The following PAPPA2 variants were observed in gnomAD, a reference collection of about 807,000 sequenced individuals.
The protein encoded by PAPPA2 is pappalysin 2.
Under a neutral mutation model 176.4 loss-of-function variants are expected in PAPPA2, and 86 were observed. The observed-to-expected ratio is 0.49, with a 90% CI of 0.41 to 0.58. The LOEUF is 0.58. PAPPA2 is among the 20% of genes least tolerant of loss of function. The pLI is 0.00. For missense variants in PAPPA2, 2,073 were observed against 2,256.9 expected (o/e 0.92, Z 1.65); for synonymous variants, 809 against 852.2 (o/e 0.95, Z 0.88).
chr1:176,759,342 A>G (rs1395743679), intron 14 of PAPPA2, among the ~76,000 whole-genome samples: 1 of 152,182 alleles, frequency 6.6e-6, no homozygotes, highest in Admixed American at 6.5e-5. Context: ...TAATACAAGA[A>G]ATTTGAGTTG....
chr1:176,633,545 A>G (rs554311534), intron 3 of PAPPA2, among the ~76,000 whole-genome samples: 1 of 152,316 alleles, frequency 6.6e-6, no homozygotes, highest in Admixed American at 6.5e-5. Context: ...AATAGACATC[A>G]TTGTATTTAA....
chr1:176,631,170 C>A (rs1478599044), intron 3 of PAPPA2, among the ~76,000 whole-genome samples: 1 of 152,096 alleles, frequency 6.6e-6, no homozygotes, highest in African/African-American at 2.4e-5. Context: ...GGTCAATAAA[C>A]AAAATACAGT....
At chr1:176,803,564 A>T (rs1665774407) in intron 21 of PAPPA2, among the ~76,000 whole-genome samples, 1 of 152,216 alleles carries the variant, frequency 6.6e-6, no homozygotes, top group Non-Finnish European at 1.5e-5. Flanking sequence ...TCAGTCGGTC[A>T]CCAGATCATT....
At chr1:176,770,074 A>T (rs1386037313) in intron 16 of PAPPA2, among the ~76,000 whole-genome samples, 2 of 152,232 alleles carry the variant, frequency 1.3e-5, no homozygotes, top group Non-Finnish European at 2.9e-5. Context: ...GGTTGTCCTG[A>T]TAATATTCAT....
At chr1:176,497,384 T>G (rs1407413853) in intron 1 of PAPPA2, among the ~76,000 whole-genome samples, 2 of 152,192 alleles carry the variant, frequency 1.3e-5, no homozygotes, top group African/African-American at 4.8e-5. Context: ...AGGCATCTAC[T>G]ACATCATTAC....
intron 21 of PAPPA2, among the ~76,000 whole-genome samples, chr1:176,809,446 C>T (rs908743552): frequency 6.6e-6 from 1 of 152,170 alleles, no homozygotes; most frequent in Non-Finnish European, 1.5e-5. Context: ...ATCTGTTACA[C>T]TATTCCTTGG....
intron 12 of PAPPA2, among the ~76,000 whole-genome samples, chr1:176,732,310 A>T (rs1384825699): frequency 2.0e-5 from 3 of 152,196 alleles, no homozygotes; most frequent in Admixed American, 2.0e-4. Flanking sequence ...GGGAGAAAAT[A>T]TACACTCAGA....
At chr1:176,647,711 A>G (rs1440882704) in intron 3 of PAPPA2, among the ~76,000 whole-genome samples, 1 of 151,760 alleles carries the variant, frequency 6.6e-6, no homozygotes. Flanking sequence ...TTTGTCAAAA[A>G]TGAGTTGGCT....
chr1:176,592,078 A>C (rs1444747003), intron 2 of PAPPA2, among the ~76,000 whole-genome samples: 1 of 152,222 alleles, frequency 6.6e-6, no homozygotes, highest in Non-Finnish European at 1.5e-5. Flanking sequence ...CTGATCCACA[A>C]CTAGAGTTGC....
At chr1:176,687,949 G>A (rs1028202860) in intron 4 of PAPPA2, among the ~76,000 whole-genome samples, 2 of 152,128 alleles carry the variant, frequency 1.3e-5, no homozygotes, top group Admixed American at 1.3e-4. Flanking sequence ...ATTTTCAGGA[G>A]GGTAGTATGG....
At chr1:176,493,873 G>A (rs1331722305) in intron 1 of PAPPA2, among the ~76,000 whole-genome samples, 1 of 152,126 alleles carries the variant, frequency 6.6e-6, no homozygotes, top group African/African-American at 2.4e-5. Flanking sequence ...ATATGACTTT[G>A]AATAGCTGGT....
intron 20 of PAPPA2, 58 bp from the exon 21 acceptor site, chr1:176,800,003 C>T: frequency 6.3e-7 from 1 of 1,584,590 alleles, no homozygotes; most frequent in Non-Finnish European, 8.7e-7. Context: ...TTTGCCCCTT[C>T]TCACACACAA....
chr1:176,582,911 C>T (rs1653075376), intron 2 of PAPPA2, among the ~76,000 whole-genome samples: 1 of 152,090 alleles, frequency 6.6e-6, no homozygotes, highest in Non-Finnish European at 1.5e-5. Flanking sequence ...CTTTTTAAAT[C>T]ACCAATTCAG....
chr1:176,721,844 C>CT (rs952745587), intron 12 of PAPPA2, among the ~76,000 whole-genome samples: 4 of 149,082 alleles, frequency 2.7e-5, no homozygotes, highest in Admixed American at 6.7e-5. Context: ...TGCTCATTTA[C>CT]TTTTTTTTTT....
chr1:176,710,594 G>A lies in PAPPA2; in HGVS notation c.3651+418G>A, dbSNP rs557875529. 7.9e-5 allele frequency among the ~76,000 whole-genome samples: 12 copies of A among 152,010 alleles called. No individual in the cohort carries two copies. The South Asian group carries it at 1.0e-3, about 13-fold the overall frequency. ...CTAAATAGATAGAAGATCCTCTGAC[G>A]GATCTAAAATGCTATACCAATGACA... On this transcript the variant is annotated intron_variant, in intron 11 of 22. Transcript: ENST00000367662.
intron 1 of PAPPA2, among the ~76,000 whole-genome samples, chr1:176,507,036 G>A (rs976910990): frequency 1.3e-5 from 2 of 151,822 alleles, no homozygotes; most frequent in Non-Finnish European, 2.9e-5. Flanking sequence ...TGCAAACTAT[G>A]CATCCAACAA....
At chr1:176,700,372 A>G (rs1334327236) in intron 8 of PAPPA2, among the ~76,000 whole-genome samples, 1 of 152,262 alleles carries the variant, frequency 6.6e-6, no homozygotes, top group Non-Finnish European at 1.5e-5. Context: ...TATCAGAGAT[A>G]CTGTCAGTTA....
intron 2 of PAPPA2, among the ~76,000 whole-genome samples, chr1:176,564,350 G>A (rs1228750218): frequency 6.6e-6 from 1 of 152,302 alleles, no homozygotes; most frequent in East Asian, 1.9e-4. Flanking sequence ...GGCTTCTTGG[G>A]CCATGCAGTC....
intron 3 of PAPPA2, among the ~76,000 whole-genome samples, chr1:176,645,911 T>A (rs1657373879): frequency 6.6e-6 from 1 of 151,698 alleles, no homozygotes; most frequent in Admixed American, 6.6e-5. Context: ...TTTATTCCGG[T>A]TTTTTGCCCG....
Sources: gnomAD v4.1 joint callset for allele counts (sites outside exome capture counted in the v4.1 genomes callset) on GRCh38, gnomAD v4.1.1 for gene constraint, MANE v1.5 for transcripts, NCBI Gene and HGNC (gene_info 2026-07-23, HGNC 2026-07-21) for gene names.